Variants in HCRTR2 observed in about 807,000 individuals in gnomAD.
HCRTR2 encodes the protein orexin receptor type 2.
Under a neutral mutation model 49.0 loss-of-function variants are expected in HCRTR2, and 22 were observed. The ratio of observed to expected loss-of-function variants is 0.45; its 90% CI spans 0.32 to 0.64. HCRTR2 has a LOEUF of 0.64. Ranked by LOEUF, HCRTR2 falls within the 30% of genes least tolerant of loss-of-function variation. HCRTR2 has a pLI of 0.04. For missense variants in HCRTR2, 491 were observed against 559.4 expected (o/e 0.88, Z 1.23); for synonymous variants, 236 against 205.3 (o/e 1.15, Z -1.28).
At chr6:55,191,271 C>CA (rs1765310843) in intron 1 of HCRTR2, among the ~76,000 whole-genome samples, 1 of 151,884 alleles carries the variant, frequency 6.6e-6, no homozygotes, top group Non-Finnish European at 1.5e-5. Flanking sequence ...TACAACTTTG[C>CA]AAAAAAGTAC....
In HCRTR2 at chr6:55,234,784, C is replaced by T. The variant is rs368206768; in HGVS notation, c.224-13855C>T. On this transcript the variant is annotated intron_variant, in intron 1 of 6. Coordinates refer to ENST00000370862, the MANE Select transcript of HCRTR2 (RefSeq NM_001384272.1). ...GCACCAAGCACTTTAGAAAACTTAA[C>T]GGCAGTTATGTAGTAATGGTGATCA... is the stretch of plus-strand genomic sequence containing the variant. 3.0e-4 allele frequency among the ~76,000 whole-genome samples: 46 copies of T among 152,200 alleles called. No homozygotes were observed. The East Asian group carries it at 4.4e-3, about 15-fold the overall frequency.
At chr6:55,115,352 C>T (rs1392361221) in intron 1 of HCRTR2, among the ~76,000 whole-genome samples, 1 of 151,608 alleles carries the variant, frequency 6.6e-6, no homozygotes, top group African/African-American at 2.4e-5. Flanking sequence ...ATCAATCAGG[C>T]CAAGTTCAAG....
intron 1 of HCRTR2, among the ~76,000 whole-genome samples, chr6:55,180,391 C>T (rs1765111081): frequency 6.6e-6 from 1 of 152,154 alleles, no homozygotes; most frequent in African/African-American, 2.4e-5. Flanking sequence ...TTAGATGTGC[C>T]CTCTAGACAA....
intron 1 of HCRTR2, among the ~76,000 whole-genome samples, chr6:55,163,334 A>G (rs1764833358): frequency 6.6e-6 from 1 of 152,182 alleles, no homozygotes; most frequent in Admixed American, 6.5e-5. Flanking sequence ...CCTAAGCAAA[A>G]AGAACATAGC....
At chr6:55,183,631 T>C (rs1429076636) in intron 1 of HCRTR2, among the ~76,000 whole-genome samples, 7 of 152,226 alleles carry the variant, frequency 4.6e-5, no homozygotes, top group East Asian at 1.9e-4. Flanking sequence ...AATAAATACA[T>C]GAGGGGAAAG....
intron 1 of HCRTR2, among the ~76,000 whole-genome samples, chr6:55,144,189 C>G (rs931922221): frequency 1.3e-5 from 2 of 149,832 alleles, no homozygotes; most frequent in Non-Finnish European, 3.0e-5. Flanking sequence ...CTCGGCGCAC[C>G]GCAACCTCCG....
intron 1 of HCRTR2, among the ~76,000 whole-genome samples, chr6:55,164,597 G>A (rs557564062): frequency 2.6e-5 from 4 of 152,138 alleles, no homozygotes; most frequent in East Asian, 1.9e-4. Flanking sequence ...ACACAGGGAG[G>A]GGAACATCAC....
intron 1 of HCRTR2, among the ~76,000 whole-genome samples, chr6:55,153,205 T>C (rs548842489): frequency 6.6e-6 from 1 of 152,162 alleles, no homozygotes; most frequent in East Asian, 1.9e-4. Flanking sequence ...TGTTCTGTTC[T>C]ATTGGTCAAC....
chr6:55,117,783 CAA>C (rs34425786), intron 1 of HCRTR2, among the ~76,000 whole-genome samples: 9 of 78,300 alleles, frequency 1.1e-4, no homozygotes, highest in South Asian at 5.4e-4. Context: ...GATAAAGTCT[CAA>C]AAAAAAAAAA....
At position 55,277,418 on chromosome 6, in the gene HCRTR2, G is replaced by GC; in HGVS notation, c.805dup (p.Leu269ProfsTer24). The GC allele has an allele frequency of 1.2e-6, 2 of 1,614,054 alleles. No individual in the cohort carries two copies. Among genetic ancestry groups the GC allele is most frequent in the Non-Finnish European group, 1.7e-6 (2 of 1,179,980 alleles). Reference sequence around the variant, plus strand: ...CATCTGTAGTTCAGAGAAAATGGAAGCCCCTGCAGCCTGTTTCACAGCCTC... The same window carrying GC: ...CATCTGTAGTTCAGAGAAAATGGAAGCCCCCTGCAGCCTGTTTCACAGCCTC... On this transcript the variant is annotated frameshift_variant, in exon 5 of 7. Coordinates refer to ENST00000370862, the MANE Select transcript of HCRTR2 (RefSeq NM_001384272.1). LOFTEE classifies it high-confidence loss of function.
At chr6:55,210,063 C>T (rs916911832) in intron 1 of HCRTR2, among the ~76,000 whole-genome samples, 1 of 151,926 alleles carries the variant, frequency 6.6e-6, no homozygotes, top group Non-Finnish European at 1.5e-5. Context: ...TCAAAGGGAC[C>T]GTTCACCCAC....
At chr6:55,136,495 A>G (rs998621352) in intron 1 of HCRTR2, among the ~76,000 whole-genome samples, 5 of 152,338 alleles carry the variant, frequency 3.3e-5, no homozygotes, top group Non-Finnish European at 5.9e-5. Context: ...AATAAAAAAT[A>G]TGTCACCACA....
intron 2 of HCRTR2, 97 bp downstream of exon 2, chr6:55,248,914 T>C: frequency 9.8e-7 from 1 of 1,024,472 alleles, no homozygotes. Flanking sequence ...GAGAAATATA[T>C]TTGCCTAAGG....
chr6:55,179,853 T>C (rs1421879396), intron 1 of HCRTR2, among the ~76,000 whole-genome samples: 1 of 152,184 alleles, frequency 6.6e-6, no homozygotes, highest in African/African-American at 2.4e-5. Context: ...TGTTAGCATC[T>C]CAAAGTCTCC....
rs138413518 is a variant in HCRTR2, at chr6:55,220,502, A to C, written c.224-28137A>C. On this transcript the variant is annotated intron_variant, in intron 1 of 6. Transcript: ENST00000370862. The stretch of plus-strand genomic sequence containing the variant: ...CTGAACAATCATTTGACAAAGTTTA[A>C]TACCCTTTCGTAATAAAAATACTCA... Among the ~76,000 whole-genome samples, 480 of 152,310 alleles carry C rather than the reference A, an allele frequency of 3.2e-3. 2 individuals are homozygous for C. Among genetic ancestry groups the C allele is most frequent in the Non-Finnish European group, 5.4e-3 (370 of 67,996 alleles).
intron 1 of HCRTR2, among the ~76,000 whole-genome samples, chr6:55,148,275 T>G (rs1035616559): frequency 1.3e-5 from 2 of 152,086 alleles, no homozygotes; most frequent in South Asian, 4.1e-4. Context: ...TCTACTCATT[T>G]ATTTTTGTGG....
intron 1 of HCRTR2, among the ~76,000 whole-genome samples, chr6:55,226,366 T>C (rs1011588456): frequency 6.6e-6 from 1 of 152,124 alleles, no homozygotes; most frequent in Non-Finnish European, 1.5e-5. Context: ...TGGAGTGCAA[T>C]GGTACCATTT....
intron 1 of HCRTR2, among the ~76,000 whole-genome samples, chr6:55,122,875 C>A (rs560082113): frequency 1.5e-4 from 22 of 149,568 alleles, no homozygotes; most frequent in African/African-American, 5.4e-4. Context: ...GGACAAAAAA[C>A]CAAACACCGC....
chr6:55,216,673 A>G (rs138285933), intron 1 of HCRTR2, among the ~76,000 whole-genome samples: 1,594 of 152,274 alleles, frequency 0.01, 18 homozygotes, highest in Non-Finnish European at 0.013. Context: ...CTCTGCCCCT[A>G]TGGCTTTGCT....
Sources: gnomAD v4.1 joint callset for allele counts (sites outside exome capture counted in the v4.1 genomes callset) on GRCh38, gnomAD v4.1.1 for gene constraint, MANE v1.5 for transcripts, NCBI Gene and HGNC (gene_info 2026-07-23, HGNC 2026-07-21) for gene names.